PRR16: variants seen among roughly 807,000 people sequenced by gnomAD.
PRR16 encodes protein Largen.
Under a neutral mutation model 18.2 loss-of-function variants are expected in PRR16, and 6 were observed. The ratio of observed to expected loss-of-function variants is 0.33; its 90% CI spans 0.18 to 0.65. The LOEUF is 0.65. Ranked by LOEUF, PRR16 falls within the 30% of genes least tolerant of loss-of-function variation. PRR16 has a pLI of 0.74. For missense variants in PRR16, 412 were observed against 376.6 expected, an observed-to-expected ratio of 1.09 and a Z score of -0.78; for synonymous variants, 151 against 147.8, an observed-to-expected ratio of 1.02 and a Z score of -0.16.
intron 1 of PRR16, among the ~76,000 whole-genome samples, chr5:120,497,987 T>C (rs1750316146): frequency 6.6e-6 from 1 of 151,526 alleles, no homozygotes; most frequent in African/African-American, 2.4e-5. Flanking sequence ...ACTAACTCTC[T>C]CTTTTAATTG....
chr5:120,776,300 CA>C, the PRR16 span, among the ~76,000 whole-genome samples: 315 of 152,246 alleles, frequency 2.1e-3, no homozygotes, highest in African/African-American at 7.3e-3. Context: ...TATTTCTGCT[CA>C]AAAATCATTT....
rs547043208 is a variant in PRR16 at position 120,498,789 on chromosome 5, GT to G, written c.159+34147del. 3.4e-3 allele frequency among the ~76,000 whole-genome samples: 522 copies of G among 152,022 alleles called. 5 individuals carry two copies. Among genetic ancestry groups the G allele is most frequent in the African/African-American group, 0.012 (497 of 41,528 alleles). On this transcript the variant is annotated intron_variant, in intron 1 of 1. Transcript: ENST00000407149. ...TTTCTTCTTTAAGGATATTTTCACT[GT>G]TTATAGGATTCTAGGTAGCTAGTTC... is the stretch of plus-strand genomic sequence containing the variant.
chr5:120,761,584 TTTATC>T, the PRR16 span, among the ~76,000 whole-genome samples: 2 of 152,060 alleles, frequency 1.3e-5, no homozygotes, highest in African/African-American at 2.4e-5. Context: ...TTTGTTTAGA[TTTATC>T]TTTTTTTATC....
chr5:120,465,095 G>A (rs1749032433), intron 1 of PRR16, among the ~76,000 whole-genome samples: 1 of 152,138 alleles, frequency 6.6e-6, no homozygotes, highest in Non-Finnish European at 1.5e-5. Flanking sequence ...GAGGGGCCGG[G>A]TTCTGGGCCC....
chr5:120,524,975 G>A (rs1363725826), intron 1 of PRR16, among the ~76,000 whole-genome samples: 1 of 151,996 alleles, frequency 6.6e-6, no homozygotes, highest in African/African-American at 2.4e-5. Context: ...TTATTTGTTA[G>A]TAAGGTCATA....
the PRR16 span, among the ~76,000 whole-genome samples, chr5:120,730,703 G>A: frequency 6.6e-6 from 1 of 152,140 alleles, no homozygotes; most frequent in Non-Finnish European, 1.5e-5. Flanking sequence ...TGGAAGCCAT[G>A]AGCATGTTGA....
intron 1 of PRR16, among the ~76,000 whole-genome samples, chr5:120,662,988 T>G (rs961647380): frequency 9.9e-5 from 15 of 152,166 alleles, no homozygotes; most frequent in African/African-American, 3.4e-4. Flanking sequence ...CTGTGTTGTA[T>G]TATTCCTACT....
At chr5:120,786,371 A>G in the PRR16 span, among the ~76,000 whole-genome samples, 2 of 151,844 alleles carry the variant, frequency 1.3e-5, no homozygotes, top group Non-Finnish European at 2.9e-5. Context: ...AGAATGGATA[A>G]ACTGTATCTG....
At chr5:120,770,347 C>T in the PRR16 span, among the ~76,000 whole-genome samples, 6 of 151,988 alleles carry the variant, frequency 3.9e-5, no homozygotes, top group South Asian at 1.2e-3. Flanking sequence ...CCACAAATGG[C>T]GTTGGGAAAA....
At chr5:120,711,939 A>C in the PRR16 span, among the ~76,000 whole-genome samples, 1 of 152,132 alleles carries the variant, frequency 6.6e-6, no homozygotes, top group African/African-American at 2.4e-5. Context: ...TTCCTCTCCC[A>C]TTTCCACACC....
At chr5:120,619,179 C>G (rs1488213285) in intron 1 of PRR16, among the ~76,000 whole-genome samples, 1 of 152,020 alleles carries the variant, frequency 6.6e-6, no homozygotes, top group Non-Finnish European at 1.5e-5. Context: ...ACATAATTTC[C>G]TAAAGTCAAG....
chr5:120,653,891 A>G (rs1755876629), intron 1 of PRR16, among the ~76,000 whole-genome samples: 1 of 151,908 alleles, frequency 6.6e-6, no homozygotes. Flanking sequence ...ACCCCTCCTC[A>G]CTATCTGGAT....
chr5:120,594,780 A>G (rs1378341821), intron 1 of PRR16, among the ~76,000 whole-genome samples: 1 of 152,052 alleles, frequency 6.6e-6, no homozygotes, highest in Non-Finnish European at 1.5e-5. Context: ...ATGGAACAGA[A>G]TAGAGAGCCC....
the PRR16 span, among the ~76,000 whole-genome samples, chr5:120,791,524 A>G: frequency 6.6e-6 from 1 of 151,884 alleles, no homozygotes; most frequent in East Asian, 1.9e-4. Flanking sequence ...TTAAAAAAAA[A>G]GGTCACTAAT....
At chr5:120,659,593 C>G (rs184803287) in intron 1 of PRR16, among the ~76,000 whole-genome samples, 1 of 152,078 alleles carries the variant, frequency 6.6e-6, no homozygotes, top group Non-Finnish European at 1.5e-5. Context: ...GCATTTATAG[C>G]TATTTTGAAA....
chr5:120,686,149 A>G lies in PRR16; in HGVS notation c.355A>G (p.Lys119Glu), dbSNP rs983259737. Residue 119 changes from lysine to glutamate, a missense_variant, in exon 2 of 2, where the codon AAG becomes GAG. By Grantham distance (56) the Lys-to-Glu change is moderately conservative (BLOSUM62 1). Transcript: ENST00000407149. ...GTCTGCTATCCTCACGGTCCTGAGA[A>G]AGCCAAACCCTCCACCACCTCCTCC... ...HPSAILTVLR[K>E]PNPPPPPPRL... is the part of the protein sequence containing the mutation. 1 of 1,614,116 alleles carries G rather than the reference A, an allele frequency of 6.2e-7. No individual in the cohort carries two copies. The highest frequency in any genetic ancestry group is 8.5e-7 in the Non-Finnish European group (1 of 1,180,000).
chr5:120,726,316 T>C, the PRR16 span, among the ~76,000 whole-genome samples: 3 of 152,056 alleles, frequency 2.0e-5, no homozygotes, highest in African/African-American at 2.4e-5. Context: ...TTTTCCTCTG[T>C]AAGCCTTCTG....
At chr5:120,629,858 A>T (rs1015234476) in intron 1 of PRR16, among the ~76,000 whole-genome samples, 1 of 150,728 alleles carries the variant, frequency 6.6e-6, no homozygotes, top group Non-Finnish European at 1.5e-5. Context: ...ATATTAACCC[A>T]TTATTTTCTG....
the PRR16 span, among the ~76,000 whole-genome samples, chr5:120,736,482 C>G: frequency 7.1e-6 from 1 of 140,370 alleles, no homozygotes; most frequent in Non-Finnish European, 1.5e-5. Flanking sequence ...CCAGGCTGGT[C>G]TTGAACTCCT....
Sources: allele counts gnomAD v4.1 joint callset (sites outside exome capture counted in the v4.1 genomes callset), GRCh38; gene constraint gnomAD v4.1.1; transcripts MANE v1.5; gene names NCBI Gene and HGNC (gene_info 2026-07-23, HGNC 2026-07-21).